Variants in SLC24A2 observed in about 807,000 individuals in gnomAD.
SLC24A2 encodes solute carrier family 24 member 2, also known as sodium/potassium/calcium exchanger 2.
SLC24A2 carries 36 observed loss-of-function variants against 62.0 expected under a neutral mutation model. The ratio of observed to expected loss-of-function variants is 0.58; its 90% CI spans 0.44 to 0.77. SLC24A2 has a LOEUF of 0.77. Ranked by LOEUF, SLC24A2 falls within the 30% of genes least tolerant of loss-of-function variation. The probability of loss-of-function intolerance (pLI) is 0.00; values close to 1 mark genes in which losing one functional copy is unlikely to be tolerated. For synonymous variants in SLC24A2, 358 were observed against 294.0 expected (o/e 1.22, Z -2.23); for missense variants, 846 against 817.9 (o/e 1.03, Z -0.42).
chr9:20,137,120 C>T, the SLC24A2 span, among the ~76,000 whole-genome samples: 1 of 152,060 alleles, frequency 6.6e-6, no homozygotes, highest in African/African-American at 2.4e-5. Context: ...ATAAGCCACC[C>T]ACAAAGAGTA....
chr9:19,984,232 G>A, the SLC24A2 span, among the ~76,000 whole-genome samples: 1 of 151,434 alleles, frequency 6.6e-6, no homozygotes, highest in Non-Finnish European at 1.5e-5. Flanking sequence ...TTCAGAAACA[G>A]AAAAGTTCAT....
At chr9:19,838,025 A>T in the SLC24A2 span, among the ~76,000 whole-genome samples, 1 of 150,546 alleles carries the variant, frequency 6.6e-6, no homozygotes, top group East Asian at 1.9e-4. Flanking sequence ...TGCCATCCCC[A>T]TCAAGCTACC....
chr9:20,292,173 A>G, the SLC24A2 span, among the ~76,000 whole-genome samples: 38 of 152,304 alleles, frequency 2.5e-4, no homozygotes, highest in Middle Eastern at 3.4e-3. Context: ...TTGCTTGTGC[A>G]GGGGGAAACT....
the SLC24A2 span, among the ~76,000 whole-genome samples, chr9:19,898,032 C>A: frequency 6.6e-6 from 1 of 152,148 alleles, no homozygotes; most frequent in East Asian, 1.9e-4. Flanking sequence ...GGATTTTACA[C>A]AATTGTGGAA....
the SLC24A2 span, among the ~76,000 whole-genome samples, chr9:20,272,224 A>G: frequency 0.14 from 21,330 of 152,198 alleles, 1,716 homozygotes; most frequent in African/African-American, 0.21. Flanking sequence ...TTAGAAAATG[A>G]AGTCCTTTTT....
At chr9:20,109,849 C>G in the SLC24A2 span, among the ~76,000 whole-genome samples, 1 of 152,044 alleles carries the variant, frequency 6.6e-6, no homozygotes. Context: ...ACAAATAATA[C>G]CAATCAAATT....
At chr9:20,106,378 G>T in the SLC24A2 span, among the ~76,000 whole-genome samples, 6 of 152,040 alleles carry the variant, frequency 3.9e-5, no homozygotes, top group Non-Finnish European at 7.4e-5. Context: ...TACCAAAGCC[G>T]GGCAGAGACA....
chr9:19,821,134 C>A, the SLC24A2 span, among the ~76,000 whole-genome samples: 1 of 152,008 alleles, frequency 6.6e-6, no homozygotes, highest in Non-Finnish European at 1.5e-5. Context: ...GCCAATTTAA[C>A]TGCCTACACT....
chr9:20,258,698 G>T, the SLC24A2 span, among the ~76,000 whole-genome samples: 1 of 152,076 alleles, frequency 6.6e-6, no homozygotes, highest in Non-Finnish European at 1.5e-5. Flanking sequence ...CTTGCAGATG[G>T]TCTGTCACGG....
chr9:19,536,566 G>A (rs1833991164), intron 8 of SLC24A2, among the ~76,000 whole-genome samples: 1 of 75,802 alleles, frequency 1.3e-5, no homozygotes, highest in Non-Finnish European at 2.5e-5. Flanking sequence ...ATTCCATGGT[G>A]TATATGTGCC....
chr9:19,670,241 G>A (rs576610003), intron 2 of SLC24A2, among the ~76,000 whole-genome samples: 2 of 152,254 alleles, frequency 1.3e-5, no homozygotes, highest in Admixed American at 1.3e-4. Context: ...AGGTCATGGG[G>A]AGACATGTTA....
intron 7 of SLC24A2, among the ~76,000 whole-genome samples, chr9:19,552,220 T>C (rs574518154): frequency 3.9e-5 from 6 of 152,338 alleles, no homozygotes; most frequent in African/African-American, 1.4e-4. Flanking sequence ...CCCTCTTCTA[T>C]GCCACCTCTG....
chr9:20,139,243 G>T, the SLC24A2 span, among the ~76,000 whole-genome samples: 2 of 152,154 alleles, frequency 1.3e-5, no homozygotes, highest in East Asian at 3.9e-4. Flanking sequence ...TAAATGCAGG[G>T]CCTCTGGAGG....
chr9:19,730,249 T>C (rs1821295711), intron 2 of SLC24A2, among the ~76,000 whole-genome samples: 1 of 152,180 alleles, frequency 6.6e-6, no homozygotes, highest in South Asian at 2.1e-4. Context: ...TGAAAATTTA[T>C]CTTGAAGGTA....
At chr9:19,964,809 T>C in the SLC24A2 span, among the ~76,000 whole-genome samples, 1 of 152,218 alleles carries the variant, frequency 6.6e-6, no homozygotes, top group Admixed American at 6.5e-5. Context: ...CCTGTGGTCT[T>C]CTGTAGCATG....
At chr9:20,005,855 C>T in the SLC24A2 span, among the ~76,000 whole-genome samples, 2 of 138,602 alleles carry the variant, frequency 1.4e-5, no homozygotes, top group East Asian at 2.0e-4. Context: ...GATCCCATTC[C>T]CTACTCCATT....
the SLC24A2 span, among the ~76,000 whole-genome samples, chr9:19,802,370 T>A: frequency 6.6e-6 from 1 of 152,222 alleles, no homozygotes; most frequent in Non-Finnish European, 1.5e-5. Context: ...GTATATTATA[T>A]TGTTTTAAAA....
At chr9:19,961,023 G>GGTGGGT in the SLC24A2 span, among the ~76,000 whole-genome samples, 2 of 141,618 alleles carry the variant, frequency 1.4e-5, no homozygotes, top group Non-Finnish European at 3.1e-5. Context: ...TAGAGGGGTG[G>GGTGGGT]GTGTGTGTGT....
At chr9:19,804,019 G>A in the SLC24A2 span, among the ~76,000 whole-genome samples, 1 of 152,112 alleles carries the variant, frequency 6.6e-6, no homozygotes, top group Admixed American at 6.6e-5. Context: ...AAACTAATCT[G>A]GTACATCTTC....
Sources: gnomAD v4.1 joint callset for allele counts (sites outside exome capture counted in the v4.1 genomes callset) on GRCh38, gnomAD v4.1.1 for gene constraint, MANE v1.5 for transcripts, NCBI Gene and HGNC (gene_info 2026-07-23, HGNC 2026-07-21) for gene names.